Variants in NRXN3 observed in about 807,000 individuals in gnomAD.
The protein encoded by NRXN3 is neurexin III.
In NRXN3, 32 loss-of-function variants were observed where a neutral mutation model predicts 137.6. That is an observed-to-expected ratio of 0.23 (90% confidence interval 0.18 to 0.31). The LOEUF is 0.31. Among genes scored for constraint, NRXN3 ranks in the 10% least tolerant of loss-of-function variants. The probability of loss-of-function intolerance (pLI) is 1.00; values close to 1 mark genes in which losing one functional copy is unlikely to be tolerated. For missense variants in NRXN3, 1,574 were observed against 2,062.5 expected, an observed-to-expected ratio of 0.76 and a Z score of 4.59; for synonymous variants, 798 against 784.5, an observed-to-expected ratio of 1.02 and a Z score of -0.29.
intron 15 of NRXN3, among the ~76,000 whole-genome samples, chr14:79,053,038 A>G (rs148450174): frequency 9.4e-4 from 143 of 152,306 alleles, no homozygotes; most frequent in Non-Finnish European, 1.6e-3. Context: ...ATTTAATTAC[A>G]TTCATTCATT....
At chr14:78,946,798 A>C (rs997203313) in intron 10 of NRXN3, among the ~76,000 whole-genome samples, 1 of 152,174 alleles carries the variant, frequency 6.6e-6, no homozygotes, top group Non-Finnish European at 1.5e-5. Context: ...CATGCGTCAT[A>C]CATGGCCAGG....
At chr14:78,784,282 A>G (rs915974272) in intron 8 of NRXN3, among the ~76,000 whole-genome samples, 1 of 152,196 alleles carries the variant, frequency 6.6e-6, no homozygotes, top group African/African-American at 2.4e-5. Flanking sequence ...TTCCATACCA[A>G]GGAAACAGGG....
At chr14:78,612,231 A>G (rs1383355434) in intron 4 of NRXN3, among the ~76,000 whole-genome samples, 2 of 152,172 alleles carry the variant, frequency 1.3e-5, no homozygotes, top group Non-Finnish European at 2.9e-5. Flanking sequence ...TTGAAATATC[A>G]TTTAGTAGAC....
intron 10 of NRXN3, among the ~76,000 whole-genome samples, chr14:78,811,364 T>C (rs556062173): frequency 3.5e-4 from 54 of 152,124 alleles, no homozygotes; most frequent in Admixed American, 3.5e-3. Flanking sequence ...GCTGTATCCG[T>C]AGGGAAGAGA....
At chr14:79,077,910 C>A (rs2046256948) in intron 15 of NRXN3, among the ~76,000 whole-genome samples, 1 of 151,980 alleles carries the variant, frequency 6.6e-6, no homozygotes, top group African/African-American at 2.4e-5. Flanking sequence ...TTATATAAGG[C>A]TGAGAAAAGG....
At chr14:78,741,623 C>T (rs557860398) in intron 8 of NRXN3, among the ~76,000 whole-genome samples, 3 of 152,242 alleles carry the variant, frequency 2.0e-5, no homozygotes, top group East Asian at 1.9e-4. Flanking sequence ...GAAAGCATCA[C>T]CACATATCTA....
intron 10 of NRXN3, among the ~76,000 whole-genome samples, chr14:78,869,247 T>G (rs962537586): frequency 1.3e-5 from 2 of 152,180 alleles, no homozygotes; most frequent in African/African-American, 2.4e-5. Flanking sequence ...ATTTTACCTT[T>G]AACCATTTCT....
intron 19 of NRXN3, among the ~76,000 whole-genome samples, chr14:79,721,259 T>C (rs1250497554): frequency 1.3e-5 from 2 of 152,126 alleles, no homozygotes; most frequent in Non-Finnish European, 2.9e-5. Context: ...TTACTACCAG[T>C]AGTATGTTAA....
intron 15 of NRXN3, among the ~76,000 whole-genome samples, chr14:79,047,824 T>G (rs551580524): frequency 6.6e-6 from 1 of 152,342 alleles, no homozygotes; most frequent in African/African-American, 2.4e-5. Context: ...TGTCATACTT[T>G]GCACATGGGA....
At chr14:79,344,774 G>T (rs913126245) in intron 15 of NRXN3, among the ~76,000 whole-genome samples, 1 of 152,080 alleles carries the variant, frequency 6.6e-6, no homozygotes, top group Non-Finnish European at 1.5e-5. Flanking sequence ...TTACTAAAAA[G>T]TTGACAATAT....
At chr14:79,064,653 AAT>A (rs1248937783) in intron 15 of NRXN3, among the ~76,000 whole-genome samples, 1 of 149,730 alleles carries the variant, frequency 6.7e-6, no homozygotes, top group Admixed American at 6.7e-5. Flanking sequence ...CATATTAACA[AAT>A]ATATATGGGT....
At chr14:79,245,440 G>A (rs80163385) in intron 15 of NRXN3, among the ~76,000 whole-genome samples, 5,907 of 151,776 alleles carry the variant, frequency 0.039, 264 homozygotes, top group African/African-American at 0.11. Context: ...AGAAGACAGA[G>A]GAAAGGAAAA....
At chr14:78,688,280 GAGA>G (rs1476438386) in intron 6 of NRXN3, among the ~76,000 whole-genome samples, 1 of 152,126 alleles carries the variant, frequency 6.6e-6, no homozygotes, top group South Asian at 2.1e-4. Flanking sequence ...TCAACAGGTA[GAGA>G]TCTTACAGAG....
chr14:79,616,670 TA>T (rs2098159841), intron 16 of NRXN3, among the ~76,000 whole-genome samples: 1 of 151,950 alleles, frequency 6.6e-6, no homozygotes, highest in South Asian at 2.1e-4. Context: ...AATAAAAGTT[TA>T]AAAAAATAGA....
chr14:79,774,710 T>C (rs1427226720), intron 19 of NRXN3, among the ~76,000 whole-genome samples: 1 of 152,178 alleles, frequency 6.6e-6, no homozygotes, highest in Non-Finnish European at 1.5e-5. Context: ...ATGGAAATAA[T>C]AGTGCACATG....
intron 16 of NRXN3, among the ~76,000 whole-genome samples, chr14:79,634,692 G>T (rs1263572684): frequency 6.6e-6 from 1 of 152,084 alleles, no homozygotes; most frequent in African/African-American, 2.4e-5. Context: ...TCATCCATCT[G>T]CCCCCAACAA....
intron 15 of NRXN3, among the ~76,000 whole-genome samples, chr14:79,433,086 T>G (rs1403666646): frequency 6.6e-6 from 1 of 152,214 alleles, no homozygotes; most frequent in Admixed American, 6.5e-5. Flanking sequence ...AAATTTATAG[T>G]GCAGTAAATG....
intron 15 of NRXN3, among the ~76,000 whole-genome samples, chr14:79,090,071 AG>A (rs1181897910): frequency 6.6e-6 from 1 of 152,174 alleles, no homozygotes; most frequent in Non-Finnish European, 1.5e-5. Context: ...TAACATGGAT[AG>A]GTATTTATAT....
intron 15 of NRXN3, among the ~76,000 whole-genome samples, chr14:79,008,195 C>T (rs552623645): frequency 6.6e-5 from 10 of 152,274 alleles, no homozygotes; most frequent in South Asian, 2.1e-4. Flanking sequence ...TAAACCTTGT[C>T]GCCCCAAATC....
Sources: allele counts gnomAD v4.1 joint callset (sites outside exome capture counted in the v4.1 genomes callset), GRCh38; gene constraint gnomAD v4.1.1; transcripts MANE v1.5; gene names NCBI Gene and HGNC (gene_info 2026-07-23, HGNC 2026-07-21).